The following NPEPL1 variants were observed in gnomAD, a reference collection of about 807,000 sequenced individuals.
NPEPL1 encodes probable aminopeptidase NPEPL1.
In NPEPL1, 45 loss-of-function variants were observed where a neutral mutation model predicts 52.4. That is an observed-to-expected ratio of 0.86 (90% CI 0.68 to 1.10). The LOEUF is 1.10. NPEPL1 is among the 50% of genes least tolerant of loss of function. The pLI is 0.00. For missense variants in NPEPL1, 696 were observed against 710.9 expected, an observed-to-expected ratio of 0.98 and a Z score of 0.24; for synonymous variants, 360 against 314.7, an observed-to-expected ratio of 1.14 and a Z score of -1.52.
upstream of NPEPL1, chr20:58,691,225 ACT>A (rs1454184988): frequency 1.6e-5 from 11 of 699,714 alleles, no homozygotes; most frequent in African/African-American, 3.5e-5. Flanking sequence ...CTTCATACAC[ACT>A]GTTAGTACCC....
intron 5 of NPEPL1, among the ~76,000 whole-genome samples, chr20:58,700,682 G>A (rs982776205): frequency 4.6e-5 from 7 of 152,338 alleles, no homozygotes; most frequent in African/African-American, 1.7e-4. Context: ...AGCATGGGCT[G>A]GGGCAGCCTT....
At chr20:58,704,921 A>T (rs528640220) in intron 6 of NPEPL1, among the ~76,000 whole-genome samples, 62 of 152,338 alleles carry the variant, frequency 4.1e-4, no homozygotes, top group Non-Finnish European at 7.8e-4. Flanking sequence ...CACTTTGAAC[A>T]TGTGGTTTTT....
intron 3 of NPEPL1, among the ~76,000 whole-genome samples, chr20:58,694,808 A>T (rs1047051363): frequency 1.3e-5 from 2 of 152,202 alleles, no homozygotes; most frequent in African/African-American, 4.8e-5. Context: ...TCTGTTGTAT[A>T]CAGGCAGTGT....
chr20:58,698,888 C>T, intron 4 of NPEPL1, 115 bp downstream of exon 4: 1 of 870,476 alleles, frequency 1.1e-6, no homozygotes, highest in Non-Finnish European at 1.8e-6. Flanking sequence ...CAGGGAACCT[C>T]AGGGCTGCCC....
intron 11 of NPEPL1, 97 bp from the exon 12 acceptor site, chr20:58,715,071 G>A: frequency 1.5e-6 from 2 of 1,334,744 alleles, no homozygotes; most frequent in Non-Finnish European, 2.0e-6. Context: ...GGGACTGTGG[G>A]GCACGTGGAG....
At chr20:58,712,635 C>A (rs560704940) in intron 8 of NPEPL1, 56 bp downstream of exon 8, 4 of 1,277,014 alleles carry the variant, frequency 3.1e-6, no homozygotes, top group Admixed American at 3.4e-5. Flanking sequence ...CGACCCTTCC[C>A]GGCCTGCAAT....
intron 3 of NPEPL1, among the ~76,000 whole-genome samples, chr20:58,694,994 G>A (rs916012630): frequency 3.2e-4 from 2 of 6,222 alleles, no homozygotes; most frequent in African/African-American, 9.7e-4. Context: ...TGTGTGGGGG[G>A]TGTGTGTGTG....
intron 5 of NPEPL1, 35 bp from the exon 6 acceptor site, chr20:58,700,981 C>G: frequency 1.3e-6 from 2 of 1,499,194 alleles, no homozygotes; most frequent in African/African-American, 1.4e-5. Context: ...CAGCTCAGCC[C>G]GAGCCTAACC....
upstream of NPEPL1, chr20:58,692,607 C>T (rs1293829839): frequency 3.6e-5 from 6 of 167,112 alleles, no homozygotes; most frequent in Non-Finnish European, 7.2e-5. The surrounding 1 kb of genome is among the most constrained non-coding windows in gnomAD (Gnocchi z 5.7). Flanking sequence ...CCAGGGGCGG[C>T]GCCGCTGGAG....
At chr20:58,694,363 C>G (rs2084416671) in intron 2 of NPEPL1, 59 bp from the exon 3 acceptor site, 1 of 1,520,360 alleles carries the variant, frequency 6.6e-7, no homozygotes, top group East Asian at 2.3e-5. Flanking sequence ...AAGAGCAGCT[C>G]CCTGCACTCC....
In NPEPL1 at chr20:58,713,991, G is replaced by C; in HGVS notation, c.1200G>C (p.Ala400=). The change falls in exon 10 of 12, where the codon GCG becomes GCC. Residue 400 remains alanine, a synonymous_variant. Transcript: ENST00000356091. The surrounding 1 kb of genome is among the most constrained non-coding windows in gnomAD (Gnocchi z 4.6). ...AGTGGGAGGCCGCCTGTGTGAAGGC[G>C]GGCAGGAAGTGTGGGGACCTGGTGC... ...SAEWEAACVK[A]GRKCGDLVHP... The C allele has an allele frequency of 6.6e-7, 1 of 1,523,524 alleles. No homozygotes were observed. The highest frequency in any genetic ancestry group is 8.8e-7 in the Non-Finnish European group (1 of 1,138,882). 94.4% of individuals were successfully genotyped at this position (1,523,524 alleles called of 1,614,324 possible).
chr20:58,712,537 A>G lies in NPEPL1; in HGVS notation c.959A>G (p.Asn320Ser), dbSNP rs778608405. The G allele has an allele frequency of 1.2e-6, 2 of 1,613,402 alleles. No individual in the cohort carries two copies. Among genetic ancestry groups the G allele is most frequent in the South Asian group, 1.1e-5 (1 of 91,006 alleles). Residue 320 changes from asparagine (N) to serine (S), a missense_variant, in exon 8 of 12, where the codon AAT becomes AGT. By Grantham distance (46) the Asn-to-Ser change is conservative (BLOSUM62 1). Coordinates refer to ENST00000356091, the MANE Select transcript of NPEPL1 (RefSeq NM_024663.4). ...FCLAENSVGP[N>S]ATRPDDIHLL... ...TTGGCTGAGAACTCGGTGGGGCCCA[A>G]TGCGACAAGGCCAGATGACATCCAC... is the stretch of plus-strand genomic sequence containing the variant.
chr20:58,694,657 G>T, intron 3 of NPEPL1, 65 bp downstream of exon 3: 5 of 1,474,816 alleles, frequency 3.4e-6, no homozygotes, highest in South Asian at 1.3e-5. Flanking sequence ...TGGGAGGGAG[G>T]TCGGGAGAGG....
intron 7 of NPEPL1, among the ~76,000 whole-genome samples, chr20:58,708,027 T>C (rs2084770440): frequency 6.6e-6 from 1 of 151,926 alleles, no homozygotes; most frequent in South Asian, 2.1e-4. Flanking sequence ...GAGGCTGCAG[T>C]GAGCTAAGAT....
intron 7 of NPEPL1, among the ~76,000 whole-genome samples, chr20:58,710,549 TG>T (rs2084816044): frequency 6.7e-6 from 1 of 150,264 alleles, no homozygotes; most frequent in Non-Finnish European, 1.5e-5. Flanking sequence ...TTGGCCGCCC[TG>T]GGGGACCAGG....
At position 58,693,805 on chromosome 20, in the gene NPEPL1, C is replaced by T. The variant is rs1389582765; in HGVS notation, c.219C>T (p.Tyr73=). The T allele has an allele frequency of 2.5e-6, 4 of 1,613,714 alleles. No homozygotes were observed. The African/African-American group carries it at 4.0e-5, about 16-fold the overall frequency. Residue 73 remains tyrosine (Y), a synonymous_variant, in exon 2 of 12, where the codon TAC becomes TAT. Transcript: ENST00000356091. ...PTDSCPLYLN[Y]ATVAALPCRV... ...ACAGCTGTCCCCTCTACCTGAACTACGCCACCGTGGCTGCCCTGCCCTGCA... is the reference window on the plus strand; with the variant it reads ...ACAGCTGTCCCCTCTACCTGAACTATGCCACCGTGGCTGCCCTGCCCTGCA...
intron 3 of NPEPL1, among the ~76,000 whole-genome samples, chr20:58,698,255 C>G (rs2084532060): frequency 6.6e-6 from 1 of 151,906 alleles, no homozygotes; most frequent in African/African-American, 2.4e-5. Flanking sequence ...TGACTGGGAT[C>G]TTGGTGGGAG....
chr20:58,714,173 G>T, intron 10 of NPEPL1, 80 bp downstream of exon 10: 1 of 1,474,152 alleles, frequency 6.8e-7, no homozygotes, highest in Non-Finnish European at 8.9e-7. Context: ...GGGTGCTGGT[G>T]CACCCAGGGA....
intron 11 of NPEPL1, 33 bp downstream of exon 11, chr20:58,714,703 G>A: frequency 1.3e-6 from 2 of 1,492,040 alleles, no homozygotes. Context: ...GGCCCTGGCT[G>A]CTCCCGCCCG....
Sources: gnomAD v4.1 joint callset for allele counts (sites outside exome capture counted in the v4.1 genomes callset) on GRCh38, gnomAD v4.1.1 for gene constraint, Gnocchi (gnomAD v3.1) non-coding constraint, MANE v1.5 for transcripts, NCBI Gene and HGNC (gene_info 2026-07-23, HGNC 2026-07-21) for gene names.